The following GRIP2 variants were observed in gnomAD, a reference collection of about 807,000 sequenced individuals.
GRIP2 encodes glutamate receptor-interacting protein 2.
A neutral mutation model predicts 108.3 loss-of-function variants in GRIP2; 58 were observed. The ratio of observed to expected loss-of-function variants is 0.54; its 90% CI spans 0.43 to 0.67. The LOEUF (loss-of-function observed/expected upper bound fraction) is 0.67. GRIP2 is among the 30% of genes least tolerant of loss of function. The probability of loss-of-function intolerance (pLI) is 0.00; values close to 1 mark genes in which losing one functional copy is unlikely to be tolerated. For synonymous variants in GRIP2, 586 were observed against 598.2 expected, an observed-to-expected ratio of 0.98 and a Z score of 0.30; for missense variants, 1,278 against 1,430.6, an observed-to-expected ratio of 0.89 and a Z score of 1.72.
At chr3:14,541,886 C>A (rs200339422), upstream of GRIP2, 11 of 1,334,910 alleles carry the variant, frequency 8.2e-6, no homozygotes, top group Non-Finnish European at 1.1e-5. Flanking sequence ...ATTTGGCCAC[C>A]GGTACCCTGG....
At chr3:14,502,034 G>C (rs561559817) in intron 21 of GRIP2, among the ~76,000 whole-genome samples, 68 of 152,146 alleles carry the variant, frequency 4.5e-4, no homozygotes, top group Non-Finnish European at 4.9e-4. Flanking sequence ...CTAGAATTAA[G>C]TTTAATTATA....
At chr3:14,493,868 C>G (rs185778574) in intron 23 of GRIP2, 42 bp from the exon 24 acceptor site, 1 of 1,582,054 alleles carries the variant, frequency 6.3e-7, no homozygotes, top group Non-Finnish European at 8.6e-7. Flanking sequence ...GAGATGTCAG[C>G]CCTGCTGCGC....
At chr3:14,510,029 G>C in intron 16 of GRIP2, 65 bp from the exon 17 acceptor site, 1 of 1,315,182 alleles carries the variant, frequency 7.6e-7, no homozygotes, top group Non-Finnish European at 9.9e-7. Context: ...TAAAGCCTTG[G>C]CCTCACTCAC....
At chr3:14,526,941 C>T (rs1458258221) in intron 1 of GRIP2, among the ~76,000 whole-genome samples, 2 of 152,184 alleles carry the variant, frequency 1.3e-5, no homozygotes, top group Non-Finnish European at 2.9e-5. Context: ...AATCTCAACA[C>T]TTTGGGAGGC....
chr3:14,602,966 C>T, the GRIP2 span, among the ~76,000 whole-genome samples: 1 of 148,646 alleles, frequency 6.7e-6, no homozygotes, highest in Non-Finnish European at 1.5e-5. The surrounding 1 kb of genome is among the most constrained non-coding windows in gnomAD (Gnocchi z 4.7). Context: ...CGCGAGGTTC[C>T]TCCGCCAGCC....
chr3:14,547,519 G>C (rs943761900), intron 1 of GRIP2, among the ~76,000 whole-genome samples: 8 of 152,204 alleles, frequency 5.3e-5, no homozygotes, highest in African/African-American at 1.9e-4. Context: ...AAATAAATAG[G>C]TGCCTCAAAT....
intron 1 of GRIP2, among the ~76,000 whole-genome samples, chr3:14,550,380 C>A (rs558180684): frequency 6.6e-6 from 1 of 152,150 alleles, no homozygotes; most frequent in South Asian, 2.1e-4. Context: ...TCCAAGCCCT[C>A]GGCACCTCTC....
At position 14,493,605 on chromosome 3, in the gene GRIP2, G is replaced by C; in HGVS notation, c.*60C>G. The C allele has an allele frequency of 6.7e-7, 1 of 1,489,564 alleles. No individual in the cohort carries two copies. Among genetic ancestry groups the C allele is most frequent in the South Asian group, 1.3e-5 (1 of 77,906 alleles). 92.3% of individuals were successfully genotyped at this position (1,489,564 alleles called of 1,614,324 possible). ...GTGGCCGCTTCTCCAGCCCAGCTAC[G>C]TGTCTGGGAGCCAGGATCTGCCTGG... On this transcript the variant is annotated 3_prime_UTR_variant, in exon 24 of 24. Transcript: ENST00000621039.
At chr3:14,539,849 A>C (rs1694918768) in intron 1 of GRIP2, among the ~76,000 whole-genome samples, 1 of 151,896 alleles carries the variant, frequency 6.6e-6, no homozygotes, top group Middle Eastern at 3.2e-3. Context: ...CAGCACAGGA[A>C]CTCCTCACCA....
In GRIP2 at chr3:14,507,859, T is replaced by C. The variant is rs1020701915; in HGVS notation, c.2079-159A>G. ...ACAAAACAAAAGCACGCAAGTATGA[T>C]CTTGGATCACATTAATAGAGACATA... On this transcript the variant is annotated intron_variant, in intron 17 of 23. Coordinates refer to ENST00000621039, the MANE Select transcript of GRIP2 (RefSeq NM_001080423.4). The surrounding 1 kb of genome is among the most constrained non-coding windows in gnomAD (Gnocchi z 4.6). Among the ~76,000 whole-genome samples, 1 of 152,140 alleles carries C rather than the reference T, an allele frequency of 6.6e-6. No individual in the cohort carries two copies. Among genetic ancestry groups the C allele is most frequent in the African/African-American group, 2.4e-5 (1 of 41,424 alleles).
Position 14,517,883 on chromosome 3 carries a change from T to A in GRIP2, c.1045A>T (p.Ser349Cys), listed in dbSNP as rs562605465. Residue 349 changes from serine (S) to cysteine (C), a missense_variant, in exon 10 of 24, where the codon AGT (serine) becomes TGT (cysteine). Transcript: ENST00000621039. The stretch of plus-strand genomic sequence containing the variant: ...GGGTCCCAGCGGTGCAGCTGCTCAC[T>A]CCTCTGCACTTTCACTGTAGCCAGC... ...RPSEAVKVQRSEQLHRWDPCV... is the reference protein window; with the variant it reads ...RPSEAVKVQRCEQLHRWDPCV... The A allele has an allele frequency of 1.3e-6, 2 of 1,574,268 alleles. No individual in the cohort carries two copies. The highest frequency in any genetic ancestry group is 3.7e-5 in the Admixed American group (2 of 54,620).
At chr3:14,586,254 C>T in the GRIP2 span, among the ~76,000 whole-genome samples, 2 of 152,342 alleles carry the variant, frequency 1.3e-5, no homozygotes, top group Admixed American at 6.5e-5. Flanking sequence ...CCAAACAGCA[C>T]TTCTTCCCCC....
intron 1 of GRIP2, among the ~76,000 whole-genome samples, chr3:14,532,702 CCTGAGTTAAGGGCGGGGCTCAGA>C (rs1174127641): frequency 6.6e-6 from 1 of 152,134 alleles, no homozygotes; most frequent in Admixed American, 6.5e-5. Context: ...CCAGGCTCAG[CCTGAGTTAAGGGCGGGGCTCAGA>C]CTGACTTAAG....
the GRIP2 span, chr3:14,574,710 C>A: frequency 3.5e-6 from 2 of 575,028 alleles, no homozygotes; most frequent in South Asian, 1.5e-5. Flanking sequence ...CTGTGCCCAG[C>A]GCAAGGTGCC....
Position 14,514,406 on chromosome 3 carries a change from C to T in GRIP2, c.1379G>A (p.Cys460Tyr). Residue 460 changes from cysteine (C) to tyrosine (Y), a missense_variant, in exon 12 of 24, where the codon TGT becomes TAT. Transcript: ENST00000621039. ...GCCAAAGCCGCTGAGGGGGTCTCCA[C>T]AGAGCACGACCTCCGTGGTCTCCGT... ...VHTETTEVVLCGDPLSGFGLQ... is the reference protein window; with the variant it reads ...VHTETTEVVLYGDPLSGFGLQ... 6.4e-7 allele frequency: 1 copy of T among 1,574,452 alleles called. No individual in the cohort carries two copies. Among genetic ancestry groups the T allele is most frequent in the Non-Finnish European group, 8.6e-7 (1 of 1,161,326 alleles).
At chr3:14,539,933 T>A (rs1378909958) in intron 1 of GRIP2, among the ~76,000 whole-genome samples, 1 of 152,118 alleles carries the variant, frequency 6.6e-6, no homozygotes. Flanking sequence ...GCTGTGCAGA[T>A]CCTGAGATTG....
At chr3:14,558,390 T>C (rs1255616057), upstream of GRIP2, among the ~76,000 whole-genome samples, 1 of 152,094 alleles carries the variant, frequency 6.6e-6, no homozygotes, top group Non-Finnish European at 1.5e-5. Flanking sequence ...TTTTGCAGAC[T>C]GTTAAGTGGC....
chr3:14,597,000 T>G, the GRIP2 span, among the ~76,000 whole-genome samples: 1 of 152,142 alleles, frequency 6.6e-6, no homozygotes, highest in Non-Finnish European at 1.5e-5. Context: ...TGCCTTGGCC[T>G]CCCAAGTGCT....
At chr3:14,591,168 T>C in the GRIP2 span, among the ~76,000 whole-genome samples, 2 of 152,230 alleles carry the variant, frequency 1.3e-5, no homozygotes, top group African/African-American at 4.8e-5. Context: ...CCCTGCTCTT[T>C]CCTTCTGGCC....
Sources: gnomAD v4.1 joint callset for allele counts (sites outside exome capture counted in the v4.1 genomes callset) on GRCh38, gnomAD v4.1.1 for gene constraint, Gnocchi (gnomAD v3.1) non-coding constraint, MANE v1.5 for transcripts, NCBI Gene and HGNC (gene_info 2026-07-23, HGNC 2026-07-21) for gene names.